SKAP1: variants seen among roughly 807,000 people sequenced by gnomAD.
The protein encoded by SKAP1 is src kinase-associated phosphoprotein 1.
Under a neutral mutation model 58.5 loss-of-function variants are expected in SKAP1, and 44 were observed. The observed-to-expected ratio is 0.75, with a 90% CI of 0.59 to 0.97. SKAP1 has a LOEUF of 0.97. Among genes scored for constraint, SKAP1 ranks in the 50% least tolerant of loss-of-function variants. The pLI is 0.00. For synonymous variants in SKAP1, 127 were observed against 149.7 expected (o/e 0.85, Z 1.11); for missense variants, 390 against 435.2 (o/e 0.90, Z 0.92).
intron 6 of SKAP1, among the ~76,000 whole-genome samples, chr17:48,187,424 C>G (rs2064472325): frequency 6.6e-6 from 1 of 152,202 alleles, no homozygotes; most frequent in Admixed American, 6.5e-5. Flanking sequence ...AAGCAGGGAG[C>G]ATGCCCTTAG....
intron 3 of SKAP1, among the ~76,000 whole-genome samples, chr17:48,363,559 T>C (rs1156315609): frequency 6.6e-6 from 1 of 152,218 alleles, no homozygotes; most frequent in African/African-American, 2.4e-5. Context: ...CTTGGTTTTA[T>C]AAAATAATCT....
chr17:48,135,152 G>A (rs925407152), intron 12 of SKAP1, among the ~76,000 whole-genome samples: 1 of 152,232 alleles, frequency 6.6e-6, no homozygotes, highest in Non-Finnish European at 1.5e-5. Flanking sequence ...TGGAGAATAA[G>A]ATCTATCCTT....
At chr17:48,344,261 A>G (rs986485304) in intron 4 of SKAP1, 56 of 597,536 alleles carry the variant, frequency 9.4e-5, no homozygotes, top group South Asian at 7.5e-5. Flanking sequence ...TCTTACCTTA[A>G]TCTTATTGTT....
chr17:48,215,544 A>G (rs1213374076), intron 4 of SKAP1, among the ~76,000 whole-genome samples: 1 of 152,206 alleles, frequency 6.6e-6, no homozygotes, highest in Non-Finnish European at 1.5e-5. Flanking sequence ...GTAAAAAGGG[A>G]AGGGTGAGGA....
intron 4 of SKAP1, among the ~76,000 whole-genome samples, chr17:48,282,796 G>A (rs1055186758): frequency 2.6e-5 from 4 of 151,556 alleles, no homozygotes; most frequent in Non-Finnish European, 5.9e-5. Flanking sequence ...AGAAAGAAAA[G>A]AAAAAAAGAA....
chr17:48,300,892 A>G (rs879914727), intron 4 of SKAP1, among the ~76,000 whole-genome samples: 2 of 152,216 alleles, frequency 1.3e-5, no homozygotes, highest in Non-Finnish European at 1.5e-5. Flanking sequence ...ATATCTCCGT[A>G]TCTTCATTCT....
upstream of SKAP1, among the ~76,000 whole-genome samples, chr17:48,432,643 A>AT (rs1028539250): frequency 8.6e-5 from 13 of 151,496 alleles, no homozygotes; most frequent in South Asian, 2.1e-4. Flanking sequence ...TATCATCTCA[A>AT]TTTTTTTTTG....
At chr17:48,342,172 C>T (rs907473920) in intron 4 of SKAP1, among the ~76,000 whole-genome samples, 1 of 152,066 alleles carries the variant, frequency 6.6e-6, no homozygotes, top group African/African-American at 2.4e-5. Flanking sequence ...CATTTTTTTC[C>T]TTCCATATGG....
chr17:48,309,239 G>A (rs769308143), intron 4 of SKAP1, among the ~76,000 whole-genome samples: 4 of 151,750 alleles, frequency 2.6e-5, no homozygotes, highest in Non-Finnish European at 4.4e-5. Context: ...ACTTGGTTCC[G>A]ATATTTGTAT....
intron 11 of SKAP1, among the ~76,000 whole-genome samples, chr17:48,139,186 A>T (rs910418018): frequency 4.8e-5 from 7 of 145,142 alleles, no homozygotes; most frequent in Admixed American, 2.1e-4. Flanking sequence ...GCCAAAATAA[A>T]TTTTTTTTTT....
At chr17:48,199,515 C>CA (rs2064697613) in intron 4 of SKAP1, among the ~76,000 whole-genome samples, 1 of 152,218 alleles carries the variant, frequency 6.6e-6, no homozygotes, top group Non-Finnish European at 1.5e-5. Context: ...GTTCAAATGT[C>CA]ACATCCTCTT....
At chr17:48,381,128 T>C (rs2067209430) in intron 2 of SKAP1, among the ~76,000 whole-genome samples, 1 of 152,186 alleles carries the variant, frequency 6.6e-6, no homozygotes, top group Non-Finnish European at 1.5e-5. Flanking sequence ...TTTGCAACCA[T>C]TTTCTGCCTT....
At chr17:48,238,025 G>C (rs995118206) in intron 4 of SKAP1, among the ~76,000 whole-genome samples, 1 of 151,788 alleles carries the variant, frequency 6.6e-6, no homozygotes, top group South Asian at 2.1e-4. Flanking sequence ...ACGGAGCCTG[G>C]CTCTGTTGCC....
chr17:48,248,485 C>T (rs1368932257), intron 4 of SKAP1, among the ~76,000 whole-genome samples: 19 of 152,040 alleles, frequency 1.2e-4, no homozygotes, highest in Admixed American at 9.8e-4. Context: ...AAGAATCGCG[C>T]GAACCCAGGA....
Position 48,232,863 on chromosome 17 carries a change from G to A in SKAP1, c.281-43363C>T, listed in dbSNP as rs143146149. The stretch of plus-strand genomic sequence containing the variant: ...TACAAACAACATCATTCAGGATTTC[G>A]CAGAATAATGATTAACTACAGAACT... On this transcript the variant is annotated intron_variant, in intron 4 of 12. Transcript: ENST00000336915. 1.4e-3 allele frequency among the ~76,000 whole-genome samples: 212 copies of A among 152,238 alleles called. 2 individuals carry two copies. Among genetic ancestry groups the A allele is most frequent in the African/African-American group, 5.0e-3 (206 of 41,532 alleles).
chr17:48,319,844 AAAACAAACAAAC>A (rs1171099385), intron 4 of SKAP1, among the ~76,000 whole-genome samples: 1 of 152,174 alleles, frequency 6.6e-6, no homozygotes, highest in Non-Finnish European at 1.5e-5. Flanking sequence ...CGTGTCTCAA[AAAACAAACAAAC>A]GAACAAACAA....
intron 1 of SKAP1, among the ~76,000 whole-genome samples, chr17:48,400,447 T>G (rs2067484582): frequency 6.6e-6 from 1 of 152,076 alleles, no homozygotes; most frequent in African/African-American, 2.4e-5. Flanking sequence ...AAAAGGACAT[T>G]AATAAAATTC....
Position 48,346,022 on chromosome 17 carries a change from G to A in SKAP1, c.179-16C>T, listed in dbSNP as rs750327105. ...ATGTCTCCCCCTGAGGGACAAAAAAGACAGAAAATAAGGTTAATCTTTGGG... is the reference window on the plus strand; with the variant it reads ...ATGTCTCCCCCTGAGGGACAAAAAAAACAGAAAATAAGGTTAATCTTTGGG... On this transcript the variant is annotated splice_polypyrimidine_tract_variant and intron_variant, in intron 3 of 12. Coordinates refer to ENST00000336915, the MANE Select transcript of SKAP1 (RefSeq NM_003726.4). The A allele has an allele frequency of 6.6e-7, 1 of 1,514,046 alleles. No homozygotes were observed. The highest frequency in any genetic ancestry group is 1.2e-5 in the South Asian group (1 of 84,102). The allele number at this position is 1,514,046 out of a possible 1,614,324, so 93.8% of individuals were successfully genotyped here.
At chr17:48,250,717 C>A (rs150345074) in intron 4 of SKAP1, among the ~76,000 whole-genome samples, 23 of 152,136 alleles carry the variant, frequency 1.5e-4, no homozygotes, top group Middle Eastern at 3.4e-3. Flanking sequence ...TTTTTATAAT[C>A]ATCTCTGTTA....
Sources: allele counts gnomAD v4.1 joint callset (sites outside exome capture counted in the v4.1 genomes callset), GRCh38; gene constraint gnomAD v4.1.1; transcripts MANE v1.5; gene names NCBI Gene and HGNC (gene_info 2026-07-23, HGNC 2026-07-21).